Variants in ANKRD42 observed in about 807,000 individuals in gnomAD.
ANKRD42 encodes ankyrin repeat domain 42.
ANKRD42 carries 43 observed loss-of-function variants against 51.5 expected under a neutral mutation model. The ratio of observed to expected loss-of-function variants is 0.83; its 90% CI spans 0.65 to 1.08. The LOEUF (loss-of-function observed/expected upper bound fraction) is 1.08. ANKRD42 is among the 50% of genes least tolerant of loss of function. The pLI is 0.00. For synonymous variants in ANKRD42, 203 were observed against 213.0 expected, an observed-to-expected ratio of 0.95 and a Z score of 0.41; for missense variants, 608 against 629.3, an observed-to-expected ratio of 0.97 and a Z score of 0.36.
intron 6 of ANKRD42, among the ~76,000 whole-genome samples, chr11:83,226,256 G>A (rs1862882311): frequency 1.3e-5 from 2 of 151,822 alleles, no homozygotes; most frequent in Admixed American, 1.3e-4. Flanking sequence ...CACACAACTG[G>A]AAGTACCTAA....
At chr11:83,238,667 C>T (rs1484396057) in intron 8 of ANKRD42, among the ~76,000 whole-genome samples, 1 of 151,986 alleles carries the variant, frequency 6.6e-6, no homozygotes, top group Non-Finnish European at 1.5e-5. Flanking sequence ...CCTGTGTCTA[C>T]TAAAAATACA....
intron 7 of ANKRD42, among the ~76,000 whole-genome samples, chr11:83,232,805 G>A (rs1444693802): frequency 6.6e-6 from 1 of 152,102 alleles, no homozygotes; most frequent in African/African-American, 2.4e-5. Flanking sequence ...GTTGAATTTT[G>A]TCAGGTGCTT....
intron 7 of ANKRD42, 109 bp from the exon 8 acceptor site, chr11:83,236,295 A>G (rs996293955): frequency 4.8e-5 from 34 of 712,486 alleles, no homozygotes; most frequent in Non-Finnish European, 7.6e-5. Context: ...GCAAGGATCA[A>G]TACTTAACTA....
chr11:83,237,841 A>G (rs962039997), intron 8 of ANKRD42, among the ~76,000 whole-genome samples: 1 of 152,304 alleles, frequency 6.6e-6, no homozygotes, highest in East Asian at 1.9e-4. Context: ...GAACATATTC[A>G]TCACCGTCAA....
intron 5 of ANKRD42, chr11:83,214,772 A>T (rs1862463520): frequency 6.3e-6 from 1 of 159,510 alleles, no homozygotes; most frequent in Non-Finnish European, 1.3e-5. Context: ...TACACAATAG[A>T]TTATGGTTAA....
At chr11:83,249,833 A>G (rs1863643006), downstream of ANKRD42, among the ~76,000 whole-genome samples, 1 of 152,196 alleles carries the variant, frequency 6.6e-6, no homozygotes, top group Non-Finnish European at 1.5e-5. Flanking sequence ...TTGAATCTCA[A>G]TTTCCTCATC....
intron 3 of ANKRD42, among the ~76,000 whole-genome samples, chr11:83,209,203 T>C (rs1862204043): frequency 6.6e-6 from 1 of 152,196 alleles, no homozygotes; most frequent in Non-Finnish European, 1.5e-5. Flanking sequence ...TTAGCGGCAA[T>C]TTATCTGTGC....
At chr11:83,242,567 G>GTTTTTTTTTTTTTTTTTTGTTTTTTTTTT (rs539259244) in intron 9 of ANKRD42, among the ~76,000 whole-genome samples, 1 of 115,546 alleles carries the variant, frequency 8.7e-6, no homozygotes, top group Non-Finnish European at 1.8e-5. Context: ...TGGTAGTTAA[G>GTTTTTTTTTTTTTTTTTTGTTTTTTTTTT]TTTTTTTTTT....
chr11:83,261,428 G>A (rs1863920287), downstream of ANKRD42: 1 of 152,098 alleles, frequency 6.6e-6, no homozygotes, highest in Admixed American at 6.5e-5. Context: ...CCAACTATAT[G>A]GTAAGTCACT....
chr11:83,222,890 C>A (rs1862756537), intron 5 of ANKRD42, among the ~76,000 whole-genome samples: 1 of 152,130 alleles, frequency 6.6e-6, no homozygotes, highest in Admixed American at 6.6e-5. Context: ...TATGCATGTG[C>A]CACCATGCCC....
downstream of ANKRD42, among the ~76,000 whole-genome samples, chr11:83,252,253 C>T (rs1165258813): frequency 6.6e-6 from 1 of 152,152 alleles, no homozygotes; most frequent in Non-Finnish European, 1.5e-5. Context: ...CAGACGTTAC[C>T]AAATGCTGGT....
Position 83,194,365 on chromosome 11 carries a change from A to T in ANKRD42, c.-306A>T. ...GGGAGGGAGTGTCGAAGGCGGCCAC[A>T]GCGTTGGTAGTTCTTGGGAGGAAGT... On this transcript the variant is annotated 5_prime_UTR_variant, in exon 1 of 11. Coordinates refer to ENST00000533342, the MANE Select transcript of ANKRD42 (RefSeq NM_001300975.2). The T allele has an allele frequency of 1.6e-6, 1 of 606,260 alleles. No individual in the cohort carries two copies. The allele number at this position is 606,260 out of a possible 1,614,324, so 37.6% of individuals were successfully genotyped here.
chr11:83,208,212 T>TGGG (rs1554992613), intron 3 of ANKRD42, among the ~76,000 whole-genome samples: 19 of 150,700 alleles, frequency 1.3e-4, no homozygotes, highest in African/African-American at 4.5e-4. Context: ...GAGATGTCTG[T>TGGG]GGGAGGGGGG....
chr11:83,213,530 C>T (rs1392053861), intron 5 of ANKRD42: 2 of 1,285,304 alleles, frequency 1.6e-6, no homozygotes, highest in Admixed American at 3.6e-5. Flanking sequence ...TTTCAATTTC[C>T]ATTTTCACAT....
intron 5 of ANKRD42, chr11:83,213,342 C>G: frequency 6.3e-7 from 1 of 1,581,406 alleles, no homozygotes; most frequent in Non-Finnish European, 8.6e-7. Flanking sequence ...AAAGAGCTGC[C>G]CAGCTGTCCA....
intron 5 of ANKRD42, among the ~76,000 whole-genome samples, chr11:83,215,922 A>G (rs771816916): frequency 6.6e-6 from 1 of 152,038 alleles, no homozygotes; most frequent in Non-Finnish European, 1.5e-5. Context: ...TAGCCTCTCA[A>G]GTAGCTGGAT....
At chr11:83,219,565 C>T (rs1862652090) in intron 5 of ANKRD42, among the ~76,000 whole-genome samples, 1 of 152,194 alleles carries the variant, frequency 6.6e-6, no homozygotes, top group Admixed American at 6.5e-5. Context: ...TCCCCACTTG[C>T]CATCAAAGGA....
At chr11:83,213,441 G>T in intron 5 of ANKRD42, 1 of 1,455,276 alleles carries the variant, frequency 6.9e-7, no homozygotes, top group Non-Finnish European at 9.1e-7. Context: ...AAATAAAACT[G>T]TAAAAACTGC....
At chr11:83,258,137 C>CA (rs911122220), downstream of ANKRD42, among the ~76,000 whole-genome samples, 8 of 152,146 alleles carry the variant, frequency 5.3e-5, no homozygotes, top group African/African-American at 1.7e-4. Context: ...AAATAAGGAG[C>CA]AAGGGCCCTG....
Sources: allele counts gnomAD v4.1 joint callset (sites outside exome capture counted in the v4.1 genomes callset), GRCh38; gene constraint gnomAD v4.1.1; transcripts MANE v1.5; gene names NCBI Gene and HGNC (gene_info 2026-07-23, HGNC 2026-07-21).